BNC2: variants seen among roughly 807,000 people sequenced by gnomAD.
BNC2 encodes the protein zinc finger protein basonuclin-2.
A neutral mutation model predicts 76.3 loss-of-function variants in BNC2; 20 were observed. That is an observed-to-expected ratio of 0.26 (90% CI 0.18 to 0.38). The LOEUF is 0.38. BNC2 is among the 10% of genes least tolerant of loss of function. BNC2 has a pLI of 1.00. For synonymous variants in BNC2, 582 were observed against 514.8 expected, an observed-to-expected ratio of 1.13 and a Z score of -1.77; for missense variants, 1,382 against 1,399.8, an observed-to-expected ratio of 0.99 and a Z score of 0.20.
chr9:16,518,036 A>T (rs1159357142), intron 5 of BNC2, among the ~76,000 whole-genome samples: 1 of 152,200 alleles, frequency 6.6e-6, no homozygotes, highest in Non-Finnish European at 1.5e-5. Flanking sequence ...TGAGAGTGAA[A>T]TCTGGAAAGA....
At chr9:16,754,084 G>A (rs1238385492) in intron 1 of BNC2, among the ~76,000 whole-genome samples, 4 of 152,158 alleles carry the variant, frequency 2.6e-5, no homozygotes, top group African/African-American at 9.6e-5. Context: ...CTCAGAAAGG[G>A]TAAATTATTA....
chr9:16,539,728 AAG>A (rs1818252319), intron 5 of BNC2, among the ~76,000 whole-genome samples: 1 of 127,312 alleles, frequency 7.9e-6, no homozygotes, highest in South Asian at 2.9e-4. Flanking sequence ...GGGGAAGGAA[AAG>A]AGGGAAAGGG....
intron 2 of BNC2, among the ~76,000 whole-genome samples, chr9:16,735,228 TCAAA>T (rs1824629879): frequency 6.6e-6 from 1 of 152,084 alleles, no homozygotes; most frequent in African/African-American, 2.4e-5. Context: ...CTACAAAAGG[TCAAA>T]CATTTTACCT....
intron 1 of BNC2, among the ~76,000 whole-genome samples, chr9:16,747,654 A>G (rs1372013266): frequency 6.6e-6 from 1 of 152,208 alleles, no homozygotes; most frequent in Non-Finnish European, 1.5e-5. Flanking sequence ...GCTCATCCAA[A>G]TATCCAGCAT....
At chr9:16,721,518 A>T (rs1824157330) in intron 3 of BNC2, among the ~76,000 whole-genome samples, 1 of 152,134 alleles carries the variant, frequency 6.6e-6, no homozygotes, top group Non-Finnish European at 1.5e-5. Flanking sequence ...GGACCCCCAA[A>T]CAATCTTCTG....
At chr9:16,660,910 T>C (rs1270644017) in intron 3 of BNC2, among the ~76,000 whole-genome samples, 1 of 152,200 alleles carries the variant, frequency 6.6e-6, no homozygotes, top group Non-Finnish European at 1.5e-5. Context: ...ATTATATGCA[T>C]AGTAATGCCA....
chr9:16,864,312 T>C (rs980307656), intron 1 of BNC2, among the ~76,000 whole-genome samples: 14 of 152,238 alleles, frequency 9.2e-5, no homozygotes, highest in Non-Finnish European at 1.5e-4. Flanking sequence ...GATAAACTGC[T>C]AATAGATCCA....
chr9:16,709,274 C>T (rs1295424729), intron 3 of BNC2, among the ~76,000 whole-genome samples: 1 of 152,190 alleles, frequency 6.6e-6, no homozygotes, highest in Non-Finnish European at 1.5e-5. Context: ...TGGTTGATTG[C>T]ATTAGGTACC....
At chr9:16,520,617 G>A (rs1413461740) in intron 5 of BNC2, among the ~76,000 whole-genome samples, 3 of 152,168 alleles carry the variant, frequency 2.0e-5, no homozygotes, top group African/African-American at 4.8e-5. Context: ...ATAAGAGAGT[G>A]TAGACCAAGG....
chr9:16,479,741 A>C (rs1388301893), intron 5 of BNC2, among the ~76,000 whole-genome samples: 1 of 151,894 alleles, frequency 6.6e-6, no homozygotes, highest in African/African-American at 2.4e-5. Context: ...AAGTTAGGCT[A>C]ATATAATTTT....
In BNC2 at chr9:16,418,355, CTT is replaced by C. The variant is rs1409588365; in HGVS notation, c.*632_*633del. ...TGAATAGAGCTAGCCAGCAAACTAT[CTT>C]TTCCTGCATATCTAACAGCTGGATG... On this transcript the variant is annotated 3_prime_UTR_variant, in exon 7 of 7. Coordinates refer to ENST00000380672, the MANE Select transcript of BNC2 (RefSeq NM_017637.6). 1 of 152,688 alleles carries C rather than the reference CTT, an allele frequency of 6.5e-6. No homozygotes were observed. The highest frequency in any genetic ancestry group is 2.4e-5 in the African/African-American group (1 of 41,416). 9.5% of individuals were successfully genotyped at this position (152,688 alleles called of 1,614,324 possible). A position where few individuals can be genotyped will look rare whatever the true frequency, so the allele number is the denominator to read the frequency against.
chr9:16,863,784 G>A (rs997944367), intron 1 of BNC2, among the ~76,000 whole-genome samples: 1 of 152,124 alleles, frequency 6.6e-6, no homozygotes, highest in African/African-American at 2.4e-5. Context: ...ACTTTACAGG[G>A]ATTTGGCAAT....
At chr9:16,429,407 G>A (rs773435419) in intron 6 of BNC2, 5 of 152,548 alleles carry the variant, frequency 3.3e-5, no homozygotes, top group Non-Finnish European at 5.9e-5. Flanking sequence ...ACAAAAATGA[G>A]CATCTCAAAT....
chr9:16,825,248 A>G (rs1427201567), intron 1 of BNC2, among the ~76,000 whole-genome samples: 1 of 152,170 alleles, frequency 6.6e-6, no homozygotes, highest in Non-Finnish European at 1.5e-5. Flanking sequence ...CTACTCATCA[A>G]CCGTCAAAGT....
At position 16,587,853 on chromosome 9, in the gene BNC2, G is replaced by A. The variant is rs544370711; in HGVS notation, c.331-4768C>T. Among the ~76,000 whole-genome samples the A allele has an allele frequency of 7.2e-5, 11 of 152,240 alleles. No homozygotes were observed. The South Asian group carries it at 1.9e-3, about 26-fold the overall frequency. On this transcript the variant is annotated intron_variant, in intron 3 of 6. Coordinates refer to ENST00000380672, the MANE Select transcript of BNC2 (RefSeq NM_017637.6). ...CAAGTACCACTCATTTCCCAGGGCAGCTGCCCTGTCTCCCATTCAAGACAA... is the reference window on the plus strand; with the variant it reads ...CAAGTACCACTCATTTCCCAGGGCAACTGCCCTGTCTCCCATTCAAGACAA...
At chr9:16,866,427 G>A (rs546194385) in intron 1 of BNC2, among the ~76,000 whole-genome samples, 35 of 151,956 alleles carry the variant, frequency 2.3e-4, no homozygotes, top group African/African-American at 8.0e-4. Flanking sequence ...CCCACTTCTC[G>A]GTGATTTCGT....
intron 1 of BNC2, among the ~76,000 whole-genome samples, chr9:16,743,346 C>G (rs559147325): frequency 6.6e-6 from 1 of 152,272 alleles, no homozygotes; most frequent in East Asian, 1.9e-4. Context: ...AGCTCCTAAG[C>G]CTACAGACAC....
At chr9:16,473,929 C>T (rs1821878163) in intron 5 of BNC2, among the ~76,000 whole-genome samples, 1 of 152,012 alleles carries the variant, frequency 6.6e-6, no homozygotes, top group African/African-American at 2.4e-5. Flanking sequence ...TGATTAAGTA[C>T]TTAAAAGTGT....
intron 5 of BNC2, among the ~76,000 whole-genome samples, chr9:16,490,977 G>A (rs530342943): frequency 1.6e-4 from 24 of 152,220 alleles, no homozygotes; most frequent in Admixed American, 1.4e-3. Context: ...TAAGACCTAA[G>A]ATCCTACAGA....
Sources: gnomAD v4.1 joint callset for allele counts (sites outside exome capture counted in the v4.1 genomes callset) on GRCh38, gnomAD v4.1.1 for gene constraint, MANE v1.5 for transcripts, NCBI Gene and HGNC (gene_info 2026-07-23, HGNC 2026-07-21) for gene names.